The following DLG2 variants were observed in gnomAD, a reference collection of about 807,000 sequenced individuals.
DLG2 encodes disks large homolog 2.
DLG2 carries 45 observed loss-of-function variants against 132.5 expected under a neutral mutation model. The ratio of observed to expected loss-of-function variants is 0.34; its 90% CI spans 0.27 to 0.44. The LOEUF (loss-of-function observed/expected upper bound fraction) is 0.44, where lower values mean the gene tolerates loss of function less well. Ranked by LOEUF, DLG2 falls within the 20% of genes least tolerant of loss-of-function variation. The pLI, the probability that DLG2 is intolerant of heterozygous loss-of-function variation, is 1.00. For missense variants in DLG2, 1,045 were observed against 1,196.9 expected, an observed-to-expected ratio of 0.87 and a Z score of 1.87; for synonymous variants, 424 against 419.6, an observed-to-expected ratio of 1.01 and a Z score of -0.13.
chr11:84,286,540 G>A (rs1444226708), intron 7 of DLG2, among the ~76,000 whole-genome samples: 1 of 152,118 alleles, frequency 6.6e-6, no homozygotes, highest in Non-Finnish European at 1.5e-5. Context: ...CTTTCATGCT[G>A]CTTAAGTATG....
At chr11:83,563,120 G>A (rs1399776845) in intron 19 of DLG2, among the ~76,000 whole-genome samples, 1 of 151,614 alleles carries the variant, frequency 6.6e-6, no homozygotes, top group Non-Finnish European at 1.5e-5. Context: ...GACTACAGGT[G>A]CCTGCCACCA....
chr11:85,204,968 T>C (rs1260380689), intron 4 of DLG2, among the ~76,000 whole-genome samples: 1 of 151,992 alleles, frequency 6.6e-6, no homozygotes, highest in African/African-American at 2.4e-5. Context: ...CTGAGAAAAG[T>C]GGATATCCAC....
intron 18 of DLG2, among the ~76,000 whole-genome samples, chr11:83,698,766 C>CGTTATCTCTTCCACATCCTAT (rs1308322181): frequency 1.3e-5 from 2 of 152,212 alleles, no homozygotes; most frequent in Non-Finnish European, 2.9e-5. Flanking sequence ...TCTCATCCTA[C>CGTTATCTCTTCCACATCCTAT]GTTATCTCTT....
chr11:84,068,203 A>G (rs997929825), intron 10 of DLG2, among the ~76,000 whole-genome samples: 2 of 152,260 alleles, frequency 1.3e-5, no homozygotes, highest in South Asian at 4.1e-4. Context: ...AGAAGGAGGA[A>G]TTCCTCTAAC....
At chr11:84,842,482 A>T (rs2080821299) in intron 6 of DLG2, among the ~76,000 whole-genome samples, 1 of 151,996 alleles carries the variant, frequency 6.6e-6, no homozygotes. Context: ...CAAAGAAATA[A>T]GTTCTAGAAG....
intron 6 of DLG2, among the ~76,000 whole-genome samples, chr11:84,664,060 T>C (rs959655061): frequency 2.0e-5 from 3 of 152,182 alleles, no homozygotes; most frequent in African/African-American, 7.2e-5. Context: ...ACAACGACTA[T>C]TTTATACCTT....
At chr11:84,119,960 A>G (rs1032598968) in intron 9 of DLG2, among the ~76,000 whole-genome samples, 22 of 152,212 alleles carry the variant, frequency 1.4e-4, no homozygotes, top group Non-Finnish European at 2.8e-4. Flanking sequence ...TGGAAGATGT[A>G]GGCAGCATAC....
rs528972157 is a variant in DLG2 at position 83,663,206 on chromosome 11, G to A, written c.1826-29881C>T. 8.7e-4 allele frequency among the ~76,000 whole-genome samples: 133 copies of A among 152,260 alleles called. 1 individual carries two copies. In the South Asian group the frequency reaches 0.018, roughly 21 times the overall value. ...CCCTGCCTTACAGTTGTGGAATTGA[G>A]GCTCCTAGAGACAAAATAATTTAAG... is the stretch of plus-strand genomic sequence containing the variant. On this transcript the variant is annotated intron_variant, in intron 18 of 27. Transcript: ENST00000376104.
intron 7 of DLG2, among the ~76,000 whole-genome samples, chr11:84,511,824 T>C (rs867291751): frequency 9.9e-5 from 15 of 152,268 alleles, no homozygotes; most frequent in African/African-American, 3.4e-4. Flanking sequence ...GGGCCCTGCT[T>C]GGAGCTTCTG....
chr11:85,398,988 T>C (rs919166567), intron 3 of DLG2, among the ~76,000 whole-genome samples: 2 of 152,170 alleles, frequency 1.3e-5, no homozygotes, highest in African/African-American at 4.8e-5. Context: ...GGAAGTCAAA[T>C]TGTCCCTGTT....
chr11:83,498,887 A>G lies in DLG2; in HGVS notation c.2194-14659T>C, dbSNP rs558771821. ...AATAAAAGAAGAGATATTATTATTG[A>G]CCTTACACAAATAAGATTTAAAAGG... On this transcript the variant is annotated intron_variant, in intron 21 of 27. Coordinates refer to ENST00000376104, the MANE Select transcript of DLG2 (RefSeq NM_001142699.3). Among the ~76,000 whole-genome samples, 173 of 152,142 alleles carry G rather than the reference A, an allele frequency of 1.1e-3. 1 individual carries two copies. The highest frequency in any genetic ancestry group is 1.9e-3 in the Non-Finnish European group (132 of 67,948).
chr11:84,325,013 T>C (rs2154398509), intron 7 of DLG2, among the ~76,000 whole-genome samples: 1 of 152,262 alleles, frequency 6.6e-6, no homozygotes, highest in East Asian at 1.9e-4. Flanking sequence ...TTCTTTTCTT[T>C]TTCTTGCCTA....
At chr11:84,743,741 A>C (rs191982591) in intron 6 of DLG2, among the ~76,000 whole-genome samples, 68 of 142,222 alleles carry the variant, frequency 4.8e-4, no homozygotes, top group Non-Finnish European at 8.2e-4. Context: ...AGGAAAGAGA[A>C]TTTTCTTTTC....
intron 3 of DLG2, among the ~76,000 whole-genome samples, chr11:85,531,558 G>T (rs2075212956): frequency 6.6e-6 from 1 of 152,206 alleles, no homozygotes. Flanking sequence ...GTTGCTACAG[G>T]AAAGGAGTTT....
intron 6 of DLG2, among the ~76,000 whole-genome samples, chr11:84,782,897 T>C (rs953412494): frequency 9.9e-5 from 15 of 152,170 alleles, no homozygotes; most frequent in Non-Finnish European, 7.4e-5. Context: ...AGCATCAGCG[T>C]ACCTTTCTGG....
At chr11:84,849,174 G>GT (rs1489972344) in intron 6 of DLG2, among the ~76,000 whole-genome samples, 1 of 152,122 alleles carries the variant, frequency 6.6e-6, no homozygotes, top group Non-Finnish European at 1.5e-5. Context: ...GTCAAACAGC[G>GT]TAAGAGACTC....
At chr11:84,263,457 G>A (rs1206701630) in intron 7 of DLG2, among the ~76,000 whole-genome samples, 2 of 152,160 alleles carry the variant, frequency 1.3e-5, no homozygotes, top group African/African-American at 4.8e-5. Context: ...ATATGGTCCT[G>A]TTGTTCTATG....
chr11:85,585,510 T>C (rs1014008456), intron 3 of DLG2, among the ~76,000 whole-genome samples: 4 of 152,206 alleles, frequency 2.6e-5, no homozygotes, highest in Non-Finnish European at 5.9e-5. Context: ...AGGGGAGTGC[T>C]TTCAACTTTT....
At chr11:83,825,120 C>G (rs1187286328) in intron 17 of DLG2, among the ~76,000 whole-genome samples, 14 of 123,418 alleles carry the variant, frequency 1.1e-4, no homozygotes, top group Non-Finnish European at 2.2e-4. Context: ...CATATATATA[C>G]ACATATATAT....
Sources: gnomAD v4.1 joint callset for allele counts (sites outside exome capture counted in the v4.1 genomes callset) on GRCh38, gnomAD v4.1.1 for gene constraint, MANE v1.5 for transcripts, NCBI Gene and HGNC (gene_info 2026-07-23, HGNC 2026-07-21) for gene names.